Variants in SESN1 observed in about 807,000 individuals in gnomAD.
SESN1 encodes sestrin-1.
SESN1 carries 30 observed loss-of-function variants against 59.3 expected under a neutral mutation model. The observed-to-expected ratio is 0.51, with a 90% CI of 0.38 to 0.69. The LOEUF (loss-of-function observed/expected upper bound fraction) is 0.69. Among genes scored for constraint, SESN1 ranks in the 30% least tolerant of loss-of-function variants. SESN1 has a pLI of 0.00. For synonymous variants in SESN1, 197 were observed against 219.9 expected (o/e 0.90, Z 0.92); for missense variants, 566 against 673.0 (o/e 0.84, Z 1.76).
Position 109,000,682 on chromosome 6 carries a change from A to G in SESN1, c.547-9T>C, listed in dbSNP as rs748397498. On this transcript the variant is annotated splice_polypyrimidine_tract_variant and intron_variant, in intron 3 of 9. Coordinates refer to ENST00000436639, the MANE Select transcript of SESN1 (RefSeq NM_014454.3). Reference sequence around the variant, plus strand: ...TGATGTCTTGCCGCAGCCTTAAAACAAAAAGATTATTCTAATTATAAATAT... The same window carrying G: ...TGATGTCTTGCCGCAGCCTTAAAACGAAAAGATTATTCTAATTATAAATAT... The G allele has an allele frequency of 7.2e-6, 11 of 1,537,604 alleles. No individual in the cohort carries two copies. The African/African-American group carries it at 9.7e-5, about 14-fold the overall frequency.
chr6:108,987,738 A>G (rs1779237759), intron 9 of SESN1, 108 bp from the exon 10 acceptor site: 2 of 591,466 alleles, frequency 3.4e-6, no homozygotes, highest in Non-Finnish European at 6.1e-6. Flanking sequence ...TACACTTCCT[A>G]TGTAGTACAG....
chr6:109,072,815 T>C (rs1780960404), intron 1 of SESN1, among the ~76,000 whole-genome samples: 1 of 152,152 alleles, frequency 6.6e-6, no homozygotes, highest in African/African-American at 2.4e-5. Context: ...TAAGGCCAGC[T>C]GTGTTTGTGA....
intron 1 of SESN1, among the ~76,000 whole-genome samples, chr6:109,062,784 T>C (rs1242330261): frequency 6.6e-6 from 1 of 152,122 alleles, no homozygotes; most frequent in Non-Finnish European, 1.5e-5. Context: ...TAAAGTTTAA[T>C]TTAGAAATTA....
In SESN1 at chr6:108,998,532, T is replaced by C. The variant is rs143545521; in HGVS notation, c.953A>G (p.Asn318Ser). 11 of 1,613,750 alleles carry C rather than the reference T, an allele frequency of 6.8e-6. No homozygotes were observed. In the African/African-American group the frequency reaches 1.3e-4, roughly 20 times the overall value. The change falls in exon 5 of 10, where the codon AAC (asparagine) becomes AGC (serine). Residue 318 changes from asparagine to serine, a missense_variant. Coordinates refer to ENST00000436639, the MANE Select transcript of SESN1 (RefSeq NM_014454.3). Reference protein sequence around the residue: ...GNHSVDEMPVNSAENVSVSDS... With the variant: ...GNHSVDEMPVSSAENVSVSDS... The stretch of plus-strand genomic sequence containing the variant: ...ACTTACAGAAACATTTTCTGCTGAG[T>C]TGACCGGCATCTCATCCACACTGTG...
At chr6:108,989,733 AG>A (rs1779324203) in intron 8 of SESN1, among the ~76,000 whole-genome samples, 1 of 152,170 alleles carries the variant, frequency 6.6e-6, no homozygotes, top group Non-Finnish European at 1.5e-5. Flanking sequence ...TGCGAGGAGA[AG>A]GATGGTCTAT....
chr6:109,063,075 G>C (rs1780758324), intron 1 of SESN1, among the ~76,000 whole-genome samples: 1 of 152,162 alleles, frequency 6.6e-6, no homozygotes, highest in African/African-American at 2.4e-5. Flanking sequence ...ATGGGTTATA[G>C]AGCCTTCCTG....
intron 1 of SESN1, among the ~76,000 whole-genome samples, chr6:109,016,675 T>G (rs1445549578): frequency 6.6e-6 from 1 of 152,304 alleles, no homozygotes; most frequent in East Asian, 1.9e-4. Context: ...TAGGGGACTA[T>G]AGTTCATCAA....
chr6:109,009,019 G>T, intron 1 of SESN1: 1 of 996,460 alleles, frequency 1.0e-6, no homozygotes, highest in Non-Finnish European at 1.2e-6. Flanking sequence ...CTGGATTTCT[G>T]ACTTGTGGAG....
chr6:109,053,329 AC>A (rs1304142880), intron 1 of SESN1, among the ~76,000 whole-genome samples: 2 of 152,176 alleles, frequency 1.3e-5, no homozygotes, highest in Non-Finnish European at 2.9e-5. Flanking sequence ...TGGGATGAAA[AC>A]CCAAACAATA....
chr6:109,039,230 T>C (rs1033294480), intron 1 of SESN1, among the ~76,000 whole-genome samples: 2 of 151,998 alleles, frequency 1.3e-5, no homozygotes, highest in African/African-American at 2.4e-5. Flanking sequence ...CTATAGAGGG[T>C]AGGGAAGACC....
chr6:109,006,446 C>T (rs1300183020), intron 1 of SESN1, among the ~76,000 whole-genome samples: 2 of 138,376 alleles, frequency 1.4e-5, no homozygotes, highest in East Asian at 2.6e-4. Context: ...TATCCCTCCC[C>T]CCACCCCCTA....
At chr6:109,068,641 A>G (rs996879392) in intron 1 of SESN1, among the ~76,000 whole-genome samples, 9 of 152,136 alleles carry the variant, frequency 5.9e-5, no homozygotes, top group Non-Finnish European at 8.8e-5. Flanking sequence ...GAGTAATTTG[A>G]GATTCAATCT....
At chr6:109,054,009 G>A (rs1683353577) in intron 1 of SESN1, among the ~76,000 whole-genome samples, 1 of 151,444 alleles carries the variant, frequency 6.6e-6, no homozygotes, top group African/African-American at 2.4e-5. Context: ...TCTTGCCCCA[G>A]TTTTTCCCTT....
intron 1 of SESN1, among the ~76,000 whole-genome samples, chr6:109,040,945 C>A (rs1202410936): frequency 2.0e-5 from 3 of 152,008 alleles, no homozygotes; most frequent in Non-Finnish European, 2.9e-5. Context: ...AGCCACCGCA[C>A]CTGGCCCAAA....
At chr6:109,076,637 T>C (rs1182478541) in intron 1 of SESN1, among the ~76,000 whole-genome samples, 1 of 152,126 alleles carries the variant, frequency 6.6e-6, no homozygotes, top group African/African-American at 2.4e-5. Context: ...GGCCAAAACT[T>C]AGTCTGCAGG....
rs183409874 is a variant in SESN1, at chr6:108,990,303, A to G, written c.1424+342T>C. Among the ~76,000 whole-genome samples the G allele has an allele frequency of 6.6e-5, 10 of 152,328 alleles. No homozygotes were observed. In the East Asian group the frequency reaches 1.9e-3, roughly 29 times the overall value. The stretch of plus-strand genomic sequence containing the variant: ...CTGATTTCCAAGGAGGTAGAAACAT[A>G]AGTGTATCAAGAGATAGATTATATG... On this transcript the variant is annotated intron_variant, in intron 8 of 9. Transcript: ENST00000436639.
chr6:109,009,666 A>G, intron 1 of SESN1: 4 of 597,922 alleles, frequency 6.7e-6, no homozygotes, highest in Non-Finnish European at 8.6e-6. Flanking sequence ...CCCGCAAAGC[A>G]CCGCCCCTCC....
intron 6 of SESN1, 70 bp downstream of exon 6, chr6:108,994,392 T>C: frequency 7.7e-7 from 1 of 1,294,724 alleles, no homozygotes; most frequent in South Asian, 1.4e-5. Flanking sequence ...GCTTTAAAAG[T>C]TATTTAAATT....
intron 1 of SESN1, among the ~76,000 whole-genome samples, chr6:109,041,343 T>A (rs1356542467): frequency 6.6e-6 from 1 of 151,798 alleles, no homozygotes; most frequent in Non-Finnish European, 1.5e-5. Flanking sequence ...AAAATAAAAT[T>A]GCAACATAAA....
Sources: allele counts gnomAD v4.1 joint callset (sites outside exome capture counted in the v4.1 genomes callset), GRCh38; gene constraint gnomAD v4.1.1; transcripts MANE v1.5; gene names NCBI Gene and HGNC (gene_info 2026-07-23, HGNC 2026-07-21).